Variants in DOCK4 observed in about 807,000 individuals in gnomAD.
DOCK4 encodes dedicator of cytokinesis protein 4.
A neutral mutation model predicts 268.1 loss-of-function variants in DOCK4; 97 were observed. That is an observed-to-expected ratio of 0.36 (90% CI 0.31 to 0.43). The LOEUF (loss-of-function observed/expected upper bound fraction) is 0.43. DOCK4 is among the 20% of genes least tolerant of loss of function. The pLI is 1.00. For synonymous variants in DOCK4, 954 were observed against 887.2 expected (o/e 1.08, Z -1.34); for missense variants, 2,145 against 2,455.7 (o/e 0.87, Z 2.67).
At chr7:111,912,452 G>A (rs1352049397) in intron 13 of DOCK4, among the ~76,000 whole-genome samples, 2 of 152,096 alleles carry the variant, frequency 1.3e-5, no homozygotes, top group Non-Finnish European at 2.9e-5. Context: ...ACACAAGTGA[G>A]GTCCTTTTAT....
At position 111,811,923 on chromosome 7, in the gene DOCK4, AG is replaced by A; in HGVS notation, c.2956del (p.Leu986SerfsTer10). Reference protein sequence around the residue: ...NNVIITTVLYLSDALRKNFLN... With the variant: ...NNVIITTVLYXSDALRKNFLN... ...GAAGTTCTTACGAAGTGCATCTGAGAGGTATAGAACTGTTGTAATAATAACA... is the reference window on the plus strand; with the variant it reads ...GAAGTTCTTACGAAGTGCATCTGAGAGTATAGAACTGTTGTAATAATAACA... On this transcript the variant is annotated frameshift_variant, in exon 28 of 53. Coordinates refer to ENST00000428084, the MANE Select transcript of DOCK4 (RefSeq NM_001363540.2). LOFTEE classifies it high-confidence loss of function. 1.3e-6 allele frequency: 2 copies of A among 1,529,252 alleles called. No homozygotes were observed. Among genetic ancestry groups the A allele is most frequent in the Non-Finnish European group, 1.8e-6 (2 of 1,128,592 alleles). 94.7% of individuals were successfully genotyped at this position (1,529,252 alleles called of 1,614,324 possible).
At chr7:111,801,639 C>G (rs7809882) in intron 30 of DOCK4, 1 of 151,596 alleles carries the variant, frequency 6.6e-6, no homozygotes, top group South Asian at 2.1e-4. Flanking sequence ...TTTTCCTCAT[C>G]AGAGCAAGAA....
rs1189641800 is a variant in DOCK4 at position 111,906,837 on chromosome 7, G to C, written c.1193-5036C>G. On this transcript the variant is annotated intron_variant, in intron 13 of 52. Coordinates refer to ENST00000428084, the MANE Select transcript of DOCK4 (RefSeq NM_001363540.2). ...TCCACAAGCTGGAAAAGGCAAGGAA[G>C]TATATTCTCCCCTGGAAGCATCAGA... Among the ~76,000 whole-genome samples, 4 of 152,162 alleles carry C rather than the reference G, an allele frequency of 2.6e-5. No individual in the cohort carries two copies. In the East Asian group the frequency reaches 7.7e-4, roughly 29 times the overall value.
intron 1 of DOCK4, among the ~76,000 whole-genome samples, chr7:112,070,004 C>T (rs1807443286): frequency 6.6e-6 from 1 of 151,940 alleles, no homozygotes; most frequent in South Asian, 2.1e-4. Context: ...ACAGGAGTTC[C>T]GATCTTAGCC....
At chr7:111,891,366 T>C (rs1808274991) in intron 16 of DOCK4, among the ~76,000 whole-genome samples, 1 of 152,190 alleles carries the variant, frequency 6.6e-6, no homozygotes, top group South Asian at 2.1e-4. Flanking sequence ...ATACTAAATA[T>C]ATGCATGTAT....
Position 112,083,226 on chromosome 7 carries a change from TTAACATAGTTGAAAA to T in DOCK4, c.38-79110_38-79096del, listed in dbSNP as rs56776548. Among the ~76,000 whole-genome samples, 580 of 152,250 alleles carry T rather than the reference TTAACATAGTTGAAAA, an allele frequency of 3.8e-3. 2 individuals carry two copies. Among genetic ancestry groups the T allele is most frequent in the African/African-American group, 0.013 (546 of 41,570 alleles). ...AGTAGAATTTTTTATTAATATGATC[TTAACATAGTTGAAAA>T]TAATTTTATTTGATATGTGAATACC... is the stretch of plus-strand genomic sequence containing the variant. On this transcript the variant is annotated intron_variant, in intron 1 of 52. Coordinates refer to ENST00000428084, the MANE Select transcript of DOCK4 (RefSeq NM_001363540.2).
intron 30 of DOCK4, among the ~76,000 whole-genome samples, chr7:111,791,070 T>TTA (rs35033313): frequency 0.23 from 21,775 of 95,122 alleles, 2,389 homozygotes; most frequent in East Asian, 0.42. Flanking sequence ...AAAAAAAAAA[T>TTA]TATATATATA....
rs1354232299 is a variant in DOCK4, at chr7:111,767,133, A to G, written c.3829-15T>C. On this transcript the variant is annotated splice_polypyrimidine_tract_variant and intron_variant, in intron 37 of 52. Coordinates refer to ENST00000428084, the MANE Select transcript of DOCK4 (RefSeq NM_001363540.2). ...TTCTCCCAACACTGTGGACAAATGA[A>G]TGAGATCAATGGAACCATCTGACAA... 10 of 1,605,610 alleles carry G rather than the reference A, an allele frequency of 6.2e-6. No individual in the cohort carries two copies. The highest frequency in any genetic ancestry group is 1.3e-5 in the African/African-American group (1 of 74,868).
intron 36 of DOCK4, among the ~76,000 whole-genome samples, chr7:111,774,483 A>C (rs1189185387): frequency 2.0e-5 from 3 of 152,036 alleles, no homozygotes; most frequent in Non-Finnish European, 4.4e-5. Flanking sequence ...AAAACAAAAC[A>C]AAAAAATCTG....
intron 1 of DOCK4, among the ~76,000 whole-genome samples, chr7:112,196,101 A>G (rs766617710): frequency 6.6e-6 from 1 of 152,168 alleles, no homozygotes; most frequent in Non-Finnish European, 1.5e-5. Context: ...CCGCTTCCAT[A>G]GAGATGCAAA....
At chr7:111,891,301 T>C (rs907773828) in intron 16 of DOCK4, among the ~76,000 whole-genome samples, 1 of 152,172 alleles carries the variant, frequency 6.6e-6, no homozygotes, top group African/African-American at 2.4e-5. Flanking sequence ...AGCATCTCTG[T>C]ATGCACATAT....
intron 1 of DOCK4, among the ~76,000 whole-genome samples, chr7:112,128,503 A>C: frequency 6.6e-6 from 1 of 152,226 alleles, no homozygotes; most frequent in Admixed American, 6.5e-5. Context: ...AAAGATTGAG[A>C]AATCGGATGG....
At chr7:111,884,877 T>C (rs554198869) in intron 16 of DOCK4, among the ~76,000 whole-genome samples, 2 of 152,226 alleles carry the variant, frequency 1.3e-5, no homozygotes, top group East Asian at 1.9e-4. Context: ...TTCTAGAAGG[T>C]AGACTTGTAA....
intron 1 of DOCK4, among the ~76,000 whole-genome samples, chr7:112,093,180 T>C (rs1448404300): frequency 6.6e-6 from 1 of 152,094 alleles, no homozygotes; most frequent in African/African-American, 2.4e-5. Flanking sequence ...AGGCACAATG[T>C]TACCCCAGAA....
At chr7:111,958,133 G>C (rs141817367) in intron 8 of DOCK4, among the ~76,000 whole-genome samples, 29 of 152,268 alleles carry the variant, frequency 1.9e-4, no homozygotes, top group African/African-American at 7.0e-4. Flanking sequence ...ATAATAGCAT[G>C]ATCTCTTAAT....
At chr7:112,002,592 G>A (rs890106792) in intron 2 of DOCK4, among the ~76,000 whole-genome samples, 2 of 152,128 alleles carry the variant, frequency 1.3e-5, no homozygotes, top group African/African-American at 2.4e-5. Context: ...ACTAAATGTC[G>A]TAGTTCTGTT....
chr7:112,040,915 G>C (rs1804296511), intron 1 of DOCK4, among the ~76,000 whole-genome samples: 1 of 152,112 alleles, frequency 6.6e-6, no homozygotes, highest in African/African-American at 2.4e-5. Flanking sequence ...TGTCTGAAAA[G>C]ACTTTAAAAA....
chr7:111,744,921 T>A (rs1317357390), intron 44 of DOCK4, among the ~76,000 whole-genome samples: 1 of 152,230 alleles, frequency 6.6e-6, no homozygotes, highest in Non-Finnish European at 1.5e-5. Flanking sequence ...AGACACGACC[T>A]CATTTTCTAA....
At chr7:111,782,070 G>A (rs886638222) in intron 35 of DOCK4, among the ~76,000 whole-genome samples, 2 of 152,132 alleles carry the variant, frequency 1.3e-5, no homozygotes, top group Non-Finnish European at 2.9e-5. Context: ...ATATTTTCCT[G>A]TACTTCAGAT....
Sources: allele counts gnomAD v4.1 joint callset (sites outside exome capture counted in the v4.1 genomes callset), GRCh38; gene constraint gnomAD v4.1.1; transcripts MANE v1.5; gene names NCBI Gene and HGNC (gene_info 2026-07-23, HGNC 2026-07-21).